The following LGALS8 variants were observed in gnomAD, a reference collection of about 807,000 sequenced individuals.
The protein encoded by LGALS8 is galectin-8.
In LGALS8, 30 loss-of-function variants were observed where a neutral mutation model predicts 35.9. The observed-to-expected ratio is 0.83, with a 90% CI of 0.62 to 1.13. The LOEUF is 1.13. Ranked by LOEUF, LGALS8 falls within the 50% of genes most tolerant of loss-of-function variation. The pLI, the probability that LGALS8 is intolerant of heterozygous loss-of-function variation, is 0.00. For missense variants in LGALS8, 366 were observed against 388.7 expected (o/e 0.94, Z 0.49); for synonymous variants, 138 against 136.1 (o/e 1.01, Z -0.10).
Position 236,537,588 on chromosome 1 carries a change from A to G in LGALS8, c.134+3A>G, listed in dbSNP as rs1294459129. 2 of 1,582,410 alleles carry G rather than the reference A, an allele frequency of 1.3e-6. No individual in the cohort carries two copies. Among genetic ancestry groups the G allele is most frequent in the South Asian group, 2.2e-5 (2 of 90,564 alleles). ...CATGTTCCTAGTGACGCAGACAGGTAAAATCACTGTGCTAAAGGAAGGAGC... is the reference window on the plus strand; with the variant it reads ...CATGTTCCTAGTGACGCAGACAGGTGAAATCACTGTGCTAAAGGAAGGAGC... On this transcript the variant is annotated splice_donor_region_variant and intron_variant, in intron 3 of 9. Coordinates refer to ENST00000366584, the MANE Select transcript of LGALS8 (RefSeq NM_201544.4).
chr1:236,543,811 T>A (rs770921335), intron 8 of LGALS8, among the ~76,000 whole-genome samples, 163 bp downstream of exon 8: 10 of 152,018 alleles, frequency 6.6e-5, no homozygotes, highest in African/African-American at 2.4e-4. Flanking sequence ...GAACAGCCAG[T>A]GGGCAGCAGA....
At chr1:236,543,369 T>C in intron 7 of LGALS8, 191 bp from the exon 8 acceptor site, 1 of 699,682 alleles carries the variant, frequency 1.4e-6, no homozygotes, top group Middle Eastern at 3.5e-4. Flanking sequence ...AATGTAATCA[T>C]GTGTGTTTGC....
At chr1:236,524,361 C>T (rs1276339002) in intron 1 of LGALS8, 2 of 456,596 alleles carry the variant, frequency 4.4e-6, no homozygotes, top group East Asian at 6.9e-5. Context: ...TGGGGTGTCT[C>T]CTCGCTGCAA....
intron 6 of LGALS8, chr1:236,542,411 T>C (rs924268719): frequency 6.3e-5 from 18 of 284,908 alleles, no homozygotes; most frequent in Non-Finnish European, 1.0e-4. Flanking sequence ...GCCCAGGAGG[T>C]TGAGGCTGCA....
chr1:236,524,297 T>C (rs1477415760), intron 1 of LGALS8: 2 of 456,526 alleles, frequency 4.4e-6, no homozygotes, highest in East Asian at 1.4e-4. Context: ...TAAGGGATTA[T>C]CAGGAGTCGC....
chr1:236,538,350 A>C (rs560533684), intron 3 of LGALS8, among the ~76,000 whole-genome samples: 1 of 152,284 alleles, frequency 6.6e-6, no homozygotes, highest in East Asian at 1.9e-4. Context: ...CTTTTCAGTT[A>C]ACTCCTTCAA....
In LGALS8 at chr1:236,540,607, T is replaced by C. The variant is rs926212453; in HGVS notation, c.389T>C (p.Ile130Thr). ...GKHTLLYGHRIGPEKIDTLGI... is the reference protein window; with the variant it reads ...GKHTLLYGHRTGPEKIDTLGI... ...CATACTCTGCTCTATGGCCACAGGA[T>C]CGGCCCAGAGAAAATAGACACTCTG... is the stretch of plus-strand genomic sequence containing the variant. The change falls in exon 5 of 10, where the codon ATC (isoleucine) becomes ACC (threonine). Residue 130 changes from isoleucine (I) to threonine (T), a missense_variant. Coordinates refer to ENST00000366584, the MANE Select transcript of LGALS8 (RefSeq NM_201544.4). The C allele has an allele frequency of 6.2e-6, 10 of 1,611,196 alleles. No homozygotes were observed. The African/African-American group carries it at 1.2e-4, about 19-fold the overall frequency.
chr1:236,552,177 G>A lies in LGALS8; in HGVS notation c.*4016G>A. The A allele has an allele frequency of 1.0e-6, 1 of 988,558 alleles. No individual in the cohort carries two copies. The highest frequency in any genetic ancestry group is 1.6e-6 in the Non-Finnish European group (1 of 641,290). 61.2% of individuals were successfully genotyped at this position (988,558 alleles called of 1,614,324 possible). A position where few individuals can be genotyped will look rare whatever the true frequency, so the allele number is the denominator to read the frequency against. On this transcript the variant is annotated 3_prime_UTR_variant, in exon 10 of 10. Transcript: ENST00000366584. ...TATTTATTATCTTAAGAGCTGTACT[G>A]ACTTGAGACAAGCTCTAACTTTTTA...
At chr1:236,521,945 T>C (rs1392412850), upstream of LGALS8, among the ~76,000 whole-genome samples, 1 of 152,144 alleles carries the variant, frequency 6.6e-6, no homozygotes, top group African/African-American at 2.4e-5. Context: ...AGGGCAAATA[T>C]AGGGAGACCG....
chr1:236,548,233 TCTCA>T lies in LGALS8; in HGVS notation c.*75_*78del, dbSNP rs1662532979. 2.3e-6 allele frequency: 3 copies of T among 1,308,598 alleles called. No individual in the cohort carries two copies. Among genetic ancestry groups the T allele is most frequent in the Non-Finnish European group, 3.2e-6 (3 of 929,798 alleles). 81.1% of individuals were successfully genotyped at this position (1,308,598 alleles called of 1,614,324 possible). ...GTGATACTGGCCTTGCTGAAACGCA[TCTCA>T]CTGTCATTCTATTGTTTATATTGTT... On this transcript the variant is annotated 3_prime_UTR_variant, in exon 10 of 10. Coordinates refer to ENST00000366584, the MANE Select transcript of LGALS8 (RefSeq NM_201544.4).
At chr1:236,542,854 T>G (rs1011832898) in intron 7 of LGALS8, 67 bp downstream of exon 7, 3 of 1,614,128 alleles carry the variant, frequency 1.9e-6, no homozygotes, top group African/African-American at 2.7e-5. Flanking sequence ...AATGAACAGT[T>G]TAAACCGTGG....
upstream of LGALS8, among the ~76,000 whole-genome samples, chr1:236,522,146 A>G (rs1478001913): frequency 6.6e-6 from 1 of 152,238 alleles, no homozygotes; most frequent in East Asian, 1.9e-4. Context: ...ATTTCTAGGA[A>G]TAAGTTCTTA....
chr1:236,544,721 G>C (rs1442251239), intron 8 of LGALS8, 29 bp from the exon 9 acceptor site: 18 of 1,459,142 alleles, frequency 1.2e-5, no homozygotes, highest in African/African-American at 1.7e-5. Flanking sequence ...GGTTAATTAA[G>C]GTTTTTTTTT....
Position 236,552,386 on chromosome 1 carries a change from A to C in LGALS8, c.*4225A>C. On this transcript the variant is annotated 3_prime_UTR_variant, in exon 10 of 10. Transcript: ENST00000366584. ...GTCTTTTTATAATCTCTTCCTTTAA[A>C]AAAAACCAATAAAATAAAATGCCGC... is the stretch of plus-strand genomic sequence containing the variant. 4.8e-6 allele frequency: 1 copy of C among 207,206 alleles called. No individual in the cohort carries two copies. Among genetic ancestry groups the C allele is most frequent in the Non-Finnish European group, 9.6e-6 (1 of 104,506 alleles). 12.8% of individuals were successfully genotyped at this position (207,206 alleles called of 1,614,324 possible).
At chr1:236,544,700 C>A (rs201773674) in intron 8 of LGALS8, 50 bp from the exon 9 acceptor site, 148 of 1,466,714 alleles carry the variant, frequency 1.0e-4, no homozygotes, top group Non-Finnish European at 1.2e-4. Context: ...TGCCACTACT[C>A]TGTCCTACTT....
chr1:236,523,538 C>A (rs1660620808), upstream of LGALS8: 2 of 157,746 alleles, frequency 1.3e-5, no homozygotes, highest in Non-Finnish European at 2.8e-5. Flanking sequence ...TCCAGGCAGG[C>A]GGGGCCTGTG....
rs1662261276 is a variant in LGALS8, at chr1:236,544,834, A to C, written c.723A>C (p.Arg241Ser). 1.9e-6 allele frequency: 3 copies of C among 1,613,954 alleles called. No individual in the cohort carries two copies. In the East Asian group the frequency reaches 6.7e-5, roughly 36 times the overall value. The change falls in exon 9 of 10, where the codon AGA becomes AGC. Residue 241 changes from arginine (R) to serine (S), a missense_variant. Arg to Ser is a moderately radical substitution (Grantham distance 110, BLOSUM62 -1). Coordinates refer to ENST00000366584, the MANE Select transcript of LGALS8 (RefSeq NM_201544.4). ...NPRLNIKAFV[R>S]NSFLQESWGE... is the part of the protein sequence containing the mutation. ...GCCTGAATATTAAAGCATTTGTAAGAAATTCTTTTCTTCAGGAGTCCTGGG... is the reference window on the plus strand; with the variant it reads ...GCCTGAATATTAAAGCATTTGTAAGCAATTCTTTTCTTCAGGAGTCCTGGG...
Position 236,552,062 on chromosome 1 carries a change from G to C in LGALS8, c.*3901G>C, listed in dbSNP as rs773972406. On this transcript the variant is annotated 3_prime_UTR_variant, in exon 10 of 10. Coordinates refer to ENST00000366584, the MANE Select transcript of LGALS8 (RefSeq NM_201544.4). ...AGCAAGACAATATAATTCTCCTTTA[G>C]TTTTTCAGCCAGTGCTAACACAGTA... 1 of 1,613,632 alleles carries C rather than the reference G, an allele frequency of 6.2e-7. No individual in the cohort carries two copies. Among genetic ancestry groups the C allele is most frequent in the South Asian group, 1.1e-5 (1 of 91,064 alleles).
At chr1:236,524,377 C>T (rs1276033423) in intron 1 of LGALS8, 2 of 456,622 alleles carry the variant, frequency 4.4e-6, no homozygotes, top group African/African-American at 2.0e-5. Flanking sequence ...TGCAAACCCA[C>T]CCCACCTGGG....
Sources: allele counts gnomAD v4.1 joint callset (sites outside exome capture counted in the v4.1 genomes callset), GRCh38; gene constraint gnomAD v4.1.1; transcripts MANE v1.5; gene names NCBI Gene and HGNC (gene_info 2026-07-23, HGNC 2026-07-21).